Variants in ROBO2 observed in about 807,000 individuals in gnomAD.
The protein encoded by ROBO2 is roundabout homolog 2.
In ROBO2, 53 loss-of-function variants were observed where a neutral mutation model predicts 160.8. That is an observed-to-expected ratio of 0.33 (90% CI 0.26 to 0.41). The LOEUF (loss-of-function observed/expected upper bound fraction) is 0.41, where lower values mean the gene tolerates loss of function less well. Among genes scored for constraint, ROBO2 ranks in the 10% least tolerant of loss-of-function variants. The pLI, the probability that ROBO2 is intolerant of heterozygous loss-of-function variation, is 1.00. For missense variants in ROBO2, 1,577 were observed against 1,722.4 expected, an observed-to-expected ratio of 0.92 and a Z score of 1.49; for synonymous variants, 664 against 611.7, an observed-to-expected ratio of 1.09 and a Z score of -1.26.
intron 2 of ROBO2, among the ~76,000 whole-genome samples, chr3:76,303,058 A>G (rs539944687): frequency 2.6e-5 from 4 of 152,124 alleles, no homozygotes; most frequent in Non-Finnish European, 4.4e-5. Context: ...AACCATGTCA[A>G]CCTTTCTAGC....
intron 2 of ROBO2, among the ~76,000 whole-genome samples, chr3:76,481,992 T>A (rs936076602): frequency 6.6e-6 from 1 of 152,140 alleles, no homozygotes; most frequent in Non-Finnish European, 1.5e-5. Context: ...AAAGACAGCA[T>A]CAGGTCCTTG....
intron 2 of ROBO2, among the ~76,000 whole-genome samples, chr3:76,861,788 A>T (rs2070810083): frequency 6.6e-6 from 1 of 152,124 alleles, no homozygotes; most frequent in East Asian, 1.9e-4. Context: ...AAGATTGGTG[A>T]CTTCCCATTC....
chr3:76,509,950 T>C (rs2080995083), intron 2 of ROBO2, among the ~76,000 whole-genome samples: 1 of 149,854 alleles, frequency 6.7e-6, no homozygotes, highest in African/African-American at 2.4e-5. Flanking sequence ...CACACACAGT[T>C]TATTCAATGT....
At chr3:76,864,346 A>T (rs866589549) in intron 2 of ROBO2, among the ~76,000 whole-genome samples, 1 of 152,080 alleles carries the variant, frequency 6.6e-6, no homozygotes, top group Non-Finnish European at 1.5e-5. Context: ...ACTTCAATTC[A>T]TCTTGTTCTG....
chr3:77,240,389 G>A (rs1218561518), intron 2 of ROBO2, among the ~76,000 whole-genome samples: 3 of 152,120 alleles, frequency 2.0e-5, no homozygotes, highest in Non-Finnish European at 4.4e-5. Context: ...GAGTGGGCCC[G>A]CCGAGCCCAC....
In ROBO2 at chr3:77,057,448, C is replaced by T. The variant is rs113109226; in HGVS notation, c.61+16602C>T. Among the ~76,000 whole-genome samples, 820 of 151,312 alleles carry T rather than the reference C, an allele frequency of 5.4e-3. 9 individuals are homozygous for T. Among genetic ancestry groups the T allele is most frequent in the African/African-American group, 0.019 (784 of 41,174 alleles). ...CATGTTGTGCACATGTACCCTAGAA[C>T]GTAAGGTATATATATTAAAAAAAGA... On this transcript the variant is annotated intron_variant, in intron 1 of 25. Coordinates refer to ENST00000461745, the Ensembl canonical transcript of ROBO2.
intron 2 of ROBO2, among the ~76,000 whole-genome samples, chr3:76,420,918 A>G (rs559856283): frequency 9.8e-5 from 15 of 152,324 alleles, no homozygotes; most frequent in African/African-American, 3.6e-4. Context: ...TGATGAGCAA[A>G]GGGTTTTCCA....
intron 2 of ROBO2, among the ~76,000 whole-genome samples, chr3:76,357,702 G>A (rs1381305837): frequency 6.6e-6 from 1 of 151,746 alleles, no homozygotes; most frequent in Non-Finnish European, 1.5e-5. Flanking sequence ...GATTATGAAC[G>A]AAGATATCTC....
intron 2 of ROBO2, among the ~76,000 whole-genome samples, chr3:76,378,360 T>C (rs1031283002): frequency 6.6e-6 from 1 of 152,140 alleles, no homozygotes; most frequent in Non-Finnish European, 1.5e-5. Context: ...TAGAGATTTA[T>C]TGATGTATTT....
rs570539177 is a variant in ROBO2 at position 77,026,682 on chromosome 3, CT to C, written c.110-71331del. Among the ~76,000 whole-genome samples, 315 of 152,288 alleles carry C rather than the reference CT, an allele frequency of 2.1e-3. 3 individuals are homozygous for C. The highest frequency in any genetic ancestry group is 0.01 in the Middle Eastern group (3 of 294). ...GGAGAGGACTAGGCTTTAGAAGTCACTATTTCATCTGTGTCATTTTACAGAT... is the reference window on the plus strand; with the variant it reads ...GGAGAGGACTAGGCTTTAGAAGTCACATTTCATCTGTGTCATTTTACAGAT... On this transcript the variant is annotated intron_variant, in intron 2 of 26. Transcript: ENST00000487694.
intron 2 of ROBO2, among the ~76,000 whole-genome samples, chr3:76,754,263 A>G (rs2060840039): frequency 1.3e-5 from 2 of 151,966 alleles, no homozygotes; most frequent in South Asian, 2.1e-4. Flanking sequence ...AAATTAGAAT[A>G]TAAGACTGGT....
At chr3:76,264,175 A>G (rs1706949109) in intron 2 of ROBO2, among the ~76,000 whole-genome samples, 1 of 152,150 alleles carries the variant, frequency 6.6e-6, no homozygotes, top group Non-Finnish European at 1.5e-5. Flanking sequence ...ACCATGGCAC[A>G]TGTGTACCTA....
At chr3:77,301,577 G>A (rs62251180) in intron 2 of ROBO2, among the ~76,000 whole-genome samples, 1,644 of 152,222 alleles carry the variant, frequency 0.011, 22 homozygotes, top group African/African-American at 0.03. Context: ...ATACATATAG[G>A]TGTGGATATC....
At chr3:76,787,868 G>A (rs535668086) in intron 2 of ROBO2, among the ~76,000 whole-genome samples, 36 of 151,432 alleles carry the variant, frequency 2.4e-4, no homozygotes, top group African/African-American at 6.8e-4. Flanking sequence ...CACATCATAC[G>A]TATCTTAATT....
chr3:77,006,188 T>TAA (rs912077312), intron 2 of ROBO2, among the ~76,000 whole-genome samples: 6 of 152,080 alleles, frequency 3.9e-5, no homozygotes, highest in African/African-American at 1.4e-4. Context: ...ACTGTACCTT[T>TAA]AAGACTCAGG....
intron 2 of ROBO2, among the ~76,000 whole-genome samples, chr3:76,445,005 C>T (rs2109173264): frequency 6.6e-6 from 1 of 152,126 alleles, no homozygotes; most frequent in Middle Eastern, 3.4e-3. Flanking sequence ...ATGAAACATG[C>T]AGAATCAACA....
intron 4 of ROBO2, among the ~76,000 whole-genome samples, chr3:77,491,509 C>T (rs375381210): frequency 7.2e-5 from 11 of 152,110 alleles, no homozygotes; most frequent in African/African-American, 2.7e-4. Flanking sequence ...ATCCTATTGC[C>T]TATTTAACTA....
intron 2 of ROBO2, among the ~76,000 whole-genome samples, chr3:76,081,962 A>G (rs1242324622): frequency 3.3e-5 from 5 of 152,148 alleles, no homozygotes; most frequent in Admixed American, 3.3e-4. Context: ...TTTGCTAATG[A>G]AATTAGAATC....
At chr3:76,664,745 G>A (rs933580323) in intron 2 of ROBO2, among the ~76,000 whole-genome samples, 2 of 152,070 alleles carry the variant, frequency 1.3e-5, no homozygotes, top group Non-Finnish European at 2.9e-5. Flanking sequence ...GCTGGGCGCT[G>A]GACATCAGTA....
Sources: gnomAD v4.1 joint callset for allele counts (sites outside exome capture counted in the v4.1 genomes callset) on GRCh38, gnomAD v4.1.1 for gene constraint, MANE v1.5 for transcripts, NCBI Gene and HGNC (gene_info 2026-07-23, HGNC 2026-07-21) for gene names.